Variants in LDLRAD4 observed in about 807,000 individuals in gnomAD.
LDLRAD4 encodes the protein low density lipoprotein receptor class A domain containing 4.
LDLRAD4 carries 5 observed loss-of-function variants against 17.0 expected under a neutral mutation model. The ratio of observed to expected loss-of-function variants is 0.29; its 90% CI spans 0.15 to 0.62. The LOEUF (loss-of-function observed/expected upper bound fraction) is 0.62, where lower values mean the gene tolerates loss of function less well. Ranked by LOEUF, LDLRAD4 falls within the 20% of genes least tolerant of loss-of-function variation. The pLI is 0.84. For missense variants in LDLRAD4, 340 were observed against 424.7 expected (o/e 0.80, Z 1.75); for synonymous variants, 168 against 171.8 (o/e 0.98, Z 0.17).
At chr18:13,431,885 G>T (rs73956404) in intron 2 of LDLRAD4, among the ~76,000 whole-genome samples, 21,064 of 152,164 alleles carry the variant, frequency 0.14, 2,936 homozygotes, top group East Asian at 0.36. Context: ...AACCTTCAAA[G>T]TAAATTCCAC....
intron 1 of LDLRAD4, among the ~76,000 whole-genome samples, chr18:13,248,943 C>G (rs1467812376): frequency 6.6e-6 from 1 of 152,184 alleles, no homozygotes; most frequent in Non-Finnish European, 1.5e-5. Context: ...CCCTTTTCTA[C>G]TTTTTACTTC....
intron 1 of LDLRAD4, among the ~76,000 whole-genome samples, chr18:13,347,603 A>G (rs573465360): frequency 1.1e-4 from 16 of 152,172 alleles, no homozygotes; most frequent in African/African-American, 3.9e-4. Context: ...TATTTCCTGA[A>G]TTTGAATGTT....
At chr18:13,392,813 A>G (rs935830234) in intron 2 of LDLRAD4, among the ~76,000 whole-genome samples, 2 of 152,258 alleles carry the variant, frequency 1.3e-5, no homozygotes, top group Admixed American at 6.5e-5. Flanking sequence ...TATAGAATTT[A>G]TAGCGAGTCT....
At chr18:13,388,517 T>A (rs1181632413) in intron 2 of LDLRAD4, among the ~76,000 whole-genome samples, 1 of 150,314 alleles carries the variant, frequency 6.7e-6, no homozygotes, top group African/African-American at 2.4e-5. Flanking sequence ...GAGGTTGCCT[T>A]TCATTTAAGA....
exon 6 of LDLRAD4, chr18:13,649,842 C>T (rs1004919201): frequency 7.6e-6 from 3 of 393,532 alleles, no homozygotes; most frequent in Non-Finnish European, 1.3e-5. Flanking sequence ...CTTCATGCCA[C>T]GAACATGCTC....
intron 3 of LDLRAD4, among the ~76,000 whole-genome samples, chr18:13,460,704 T>G (rs1278970466): frequency 6.6e-6 from 1 of 152,232 alleles, no homozygotes; most frequent in East Asian, 1.9e-4. Context: ...TCCTGAGTTT[T>G]TGGAACATGT....
Position 13,501,754 on chromosome 18 carries a change from T to C in LDLRAD4, c.181+63370T>C, listed in dbSNP as rs560146489. ...ACACTCGCTCACACACGCATGTCCCTCTCTCTGAGAGCCAGGGAATGGGGT... is the reference window on the plus strand; with the variant it reads ...ACACTCGCTCACACACGCATGTCCCCCTCTCTGAGAGCCAGGGAATGGGGT... On this transcript the variant is annotated intron_variant, in intron 3 of 5. Coordinates refer to ENST00000359446, the Ensembl canonical transcript of LDLRAD4. 2.6e-3 allele frequency among the ~76,000 whole-genome samples: 391 copies of C among 152,240 alleles called. 3 individuals carry two copies. Among genetic ancestry groups the C allele is most frequent in the African/African-American group, 9.1e-3 (378 of 41,540 alleles).
intron 3 of LDLRAD4, among the ~76,000 whole-genome samples, chr18:13,497,550 G>A (rs1293279671): frequency 1.3e-5 from 2 of 150,818 alleles, no homozygotes; most frequent in African/African-American, 4.9e-5. Flanking sequence ...GTCTTGTAAT[G>A]TTTTTAAAAG....
chr18:13,529,204 C>T (rs1202873787), intron 3 of LDLRAD4, among the ~76,000 whole-genome samples: 3 of 152,366 alleles, frequency 2.0e-5, no homozygotes, highest in African/African-American at 2.4e-5. Context: ...TTTGGCAGTC[C>T]TGGGCCCCCA....
At chr18:13,478,186 T>A (rs2146897924) in intron 3 of LDLRAD4, among the ~76,000 whole-genome samples, 1 of 152,304 alleles carries the variant, frequency 6.6e-6, no homozygotes, top group South Asian at 2.1e-4. Flanking sequence ...TCTGAGAGCC[T>A]GCAGCATTGG....
chr18:13,564,847 A>G (rs370962165), intron 3 of LDLRAD4, among the ~76,000 whole-genome samples: 1 of 152,286 alleles, frequency 6.6e-6, no homozygotes. Flanking sequence ...GGCATGATTT[A>G]GATTGGAATC....
chr18:13,603,213 TAC>T (rs1171706976), intron 3 of LDLRAD4, among the ~76,000 whole-genome samples: 1 of 152,148 alleles, frequency 6.6e-6, no homozygotes, highest in Non-Finnish European at 1.5e-5. Context: ...TGCCTGGTGG[TAC>T]AGTTTGTTTC....
intron 1 of LDLRAD4, among the ~76,000 whole-genome samples, chr18:13,386,882 C>A (rs1384902884): frequency 6.7e-6 from 1 of 149,388 alleles, no homozygotes; most frequent in Non-Finnish European, 1.5e-5. Flanking sequence ...TTAGTGAGAC[C>A]CTGTCATTCA....
chr18:13,378,793 A>G (rs1411168555), intron 1 of LDLRAD4, among the ~76,000 whole-genome samples: 1 of 152,166 alleles, frequency 6.6e-6, no homozygotes, highest in Non-Finnish European at 1.5e-5. Flanking sequence ...TTTAGCTGGC[A>G]TGGAATGATT....
intron 3 of LDLRAD4, among the ~76,000 whole-genome samples, chr18:13,560,501 A>G (rs553930690): frequency 2.0e-5 from 3 of 152,292 alleles, no homozygotes; most frequent in South Asian, 2.1e-4. Flanking sequence ...GTCTCTTCCC[A>G]TGGGCTCCTA....
At position 13,582,473 on chromosome 18, in the gene LDLRAD4, C is replaced by T. The variant is rs558461268; in HGVS notation, c.182-38644C>T. Among the ~76,000 whole-genome samples, 38 of 152,342 alleles carry T rather than the reference C, an allele frequency of 2.5e-4. No homozygotes were observed. In the South Asian group the frequency reaches 6.6e-3, roughly 27 times the overall value. On this transcript the variant is annotated intron_variant, in intron 3 of 5. Transcript: ENST00000359446. ...GATGCAGTTCCCTCCCAGGCTTGCCCGCTAAGGCCCCCAGCCGAGGGCAGT... is the reference window on the plus strand; with the variant it reads ...GATGCAGTTCCCTCCCAGGCTTGCCTGCTAAGGCCCCCAGCCGAGGGCAGT...
chr18:13,645,666 A>G lies in LDLRAD4; in HGVS notation c.*9A>G. 6.6e-7 allele frequency: 1 copy of G among 1,504,012 alleles called. No individual in the cohort carries two copies. Among genetic ancestry groups the G allele is most frequent in the Non-Finnish European group, 8.9e-7 (1 of 1,127,678 alleles). The allele number at this position is 1,504,012 out of a possible 1,614,324, so 93.2% of individuals were successfully genotyped here. A position where few individuals can be genotyped will look rare whatever the true frequency, so the allele number is the denominator to read the frequency against. ...CTGGGAACCTGGTCTGATTCCTTCC[A>G]ACGTGCACTTCAGCTGGAGAAAGAA... On this transcript the variant is annotated 3_prime_UTR_variant, in exon 6 of 6. Coordinates refer to ENST00000359446, the Ensembl canonical transcript of LDLRAD4. This position sits in a 1 kb window ranked among gnomAD's most constrained non-coding sequence, Gnocchi z 5.7.
intron 5 of LDLRAD4, among the ~76,000 whole-genome samples, chr18:13,644,471 G>A (rs2042889809): frequency 6.6e-6 from 1 of 151,224 alleles, no homozygotes; most frequent in Non-Finnish European, 1.5e-5. Context: ...AGGAGGTTGA[G>A]GTGGGAGAAT....
chr18:13,592,516 G>T lies in LDLRAD4; in HGVS notation c.182-28601G>T, dbSNP rs145959325. On this transcript the variant is annotated intron_variant, in intron 3 of 5. Transcript: ENST00000359446. ...TAGGAAAGTGAATGACTTGTCTTAT[G>T]TAGCCACATGAAAAGATCTGTGTAG... Among the ~76,000 whole-genome samples the T allele has an allele frequency of 2.9e-3, 446 of 152,330 alleles. 3 individuals are homozygous for T. Among genetic ancestry groups the T allele is most frequent in the African/African-American group, 0.01 (419 of 41,572 alleles).
Sources: gnomAD v4.1 joint callset for allele counts (sites outside exome capture counted in the v4.1 genomes callset) on GRCh38, gnomAD v4.1.1 for gene constraint, Gnocchi (gnomAD v3.1) non-coding constraint, MANE v1.5 for transcripts, NCBI Gene and HGNC (gene_info 2026-07-23, HGNC 2026-07-21) for gene names.